GALNTL6: variants seen among roughly 807,000 people sequenced by gnomAD.
GALNTL6 encodes polypeptide N-acetylgalactosaminyltransferase like 6.
A neutral mutation model predicts 73.7 loss-of-function variants in GALNTL6; 46 were observed. That is an observed-to-expected ratio of 0.62 (90% CI 0.49 to 0.80). The LOEUF (loss-of-function observed/expected upper bound fraction) is 0.80, where lower values mean the gene tolerates loss of function less well. Among genes scored for constraint, GALNTL6 ranks in the 30% least tolerant of loss-of-function variants. GALNTL6 has a pLI of 0.00. For missense variants in GALNTL6, 604 were observed against 755.0 expected (o/e 0.80, Z 2.34); for synonymous variants, 259 against 263.7 (o/e 0.98, Z 0.17).
rs397933315 is a variant in GALNTL6, at chr4:172,552,837, T to TAAAAAAAAAAAA, written c.553+204157_553+204168dup. 2.9e-3 allele frequency among the ~76,000 whole-genome samples: 233 copies of TAAAAAAAAAAAA among 80,354 alleles called. 9 individuals are homozygous for TAAAAAAAAAAAA. The highest frequency in any genetic ancestry group is 3.0e-3 in the South Asian group (5 of 1,642). 52.7% of individuals were successfully genotyped at this position (80,354 alleles called of 152,430 possible). A position where few individuals can be genotyped will look rare whatever the true frequency, so the allele number is the denominator to read the frequency against. On this transcript the variant is annotated intron_variant, in intron 5 of 12. Transcript: ENST00000506823. ...TAGGCTGGTGCAAAAGTAATTGCAG[T>TAAAAAAAAAAAA]AAAAAAAAAAAAAAAAAAAAGGTAA...
At chr4:172,543,920 A>C (rs2110881201) in intron 5 of GALNTL6, among the ~76,000 whole-genome samples, 1 of 152,310 alleles carries the variant, frequency 6.6e-6, no homozygotes, top group South Asian at 2.1e-4. Flanking sequence ...TTTGTATAAA[A>C]ATTTATTGGC....
intron 10 of GALNTL6, among the ~76,000 whole-genome samples, chr4:172,973,926 G>A (rs1488502576): frequency 6.6e-6 from 1 of 152,166 alleles, no homozygotes; most frequent in East Asian, 1.9e-4. Flanking sequence ...AGATGAGGAA[G>A]TACGTAAAAT....
At chr4:172,699,600 A>G (rs1197849897) in intron 5 of GALNTL6, among the ~76,000 whole-genome samples, 1 of 152,226 alleles carries the variant, frequency 6.6e-6, no homozygotes, top group Non-Finnish European at 1.5e-5. Flanking sequence ...TAAGAAACTT[A>G]TGTGAAGAAC....
intron 7 of GALNTL6, among the ~76,000 whole-genome samples, chr4:172,877,970 AAAAC>A (rs1745277114): frequency 6.6e-6 from 1 of 152,048 alleles, no homozygotes; most frequent in Non-Finnish European, 1.5e-5. Flanking sequence ...ATTTTGCAAG[AAAAC>A]AAACAATGTG....
At chr4:172,955,691 C>T (rs1225312046) in intron 10 of GALNTL6, among the ~76,000 whole-genome samples, 1 of 152,140 alleles carries the variant, frequency 6.6e-6, no homozygotes, top group African/African-American at 2.4e-5. Flanking sequence ...CACCACCAAA[C>T]AGGCTTTGTG....
chr4:172,373,579 G>A (rs1434574522), intron 5 of GALNTL6, among the ~76,000 whole-genome samples: 1 of 152,172 alleles, frequency 6.6e-6, no homozygotes, highest in Non-Finnish European at 1.5e-5. Context: ...GGGTCTTTTA[G>A]CCTGATTTGG....
intron 5 of GALNTL6, among the ~76,000 whole-genome samples, chr4:172,501,392 T>A (rs1734255690): frequency 6.6e-6 from 1 of 152,152 alleles, no homozygotes. Flanking sequence ...TGCCAAGATT[T>A]TTTGCTAGAC....
chr4:172,645,367 G>A (rs535948152), intron 5 of GALNTL6, among the ~76,000 whole-genome samples: 62 of 151,912 alleles, frequency 4.1e-4, no homozygotes, highest in Non-Finnish European at 7.5e-4. Context: ...AATAATTTTT[G>A]TATATGGTAT....
intron 5 of GALNTL6, among the ~76,000 whole-genome samples, chr4:172,577,754 A>T (rs749491370): frequency 1.3e-5 from 2 of 152,210 alleles, no homozygotes; most frequent in Non-Finnish European, 1.5e-5. Context: ...TGAGAAGCAC[A>T]GGCACTCAGC....
intron 2 of GALNTL6, among the ~76,000 whole-genome samples, chr4:172,176,290 A>T (rs1239316658): frequency 7.7e-6 from 1 of 129,598 alleles, no homozygotes; most frequent in Non-Finnish European, 1.6e-5. Flanking sequence ...CAGTGAGCCG[A>T]GATCGCGCCA....
chr4:172,690,088 A>G (rs1733176525), intron 5 of GALNTL6, among the ~76,000 whole-genome samples: 1 of 152,208 alleles, frequency 6.6e-6, no homozygotes, highest in Non-Finnish European at 1.5e-5. Flanking sequence ...TTTTCTTGTC[A>G]TGAAGGAAAG....
At chr4:172,494,684 A>C (rs905236737) in intron 5 of GALNTL6, among the ~76,000 whole-genome samples, 3 of 152,184 alleles carry the variant, frequency 2.0e-5, no homozygotes, top group Non-Finnish European at 4.4e-5. Context: ...CCACTGGCAT[A>C]AGTCCAAGAG....
chr4:171,965,496 A>G (rs559978935), intron 2 of GALNTL6, among the ~76,000 whole-genome samples: 1 of 152,104 alleles, frequency 6.6e-6, no homozygotes, highest in African/African-American at 2.4e-5. Flanking sequence ...CTCTACTAAA[A>G]ATACAAAAAA....
chr4:172,091,306 T>C lies in GALNTL6; in HGVS notation c.139-138350T>C, dbSNP rs183573388. ...GAACTTGTTCATCAGGAATTTCAGA[T>C]TAGACTTTTAAAAGTCTCTCAAAGC... On this transcript the variant is annotated intron_variant, in intron 2 of 12. Coordinates refer to ENST00000506823, the MANE Select transcript of GALNTL6 (RefSeq NM_001034845.3). Among the ~76,000 whole-genome samples, 49 of 152,324 alleles carry C rather than the reference T, an allele frequency of 3.2e-4. No homozygotes were observed. In the East Asian group the frequency reaches 8.3e-3, roughly 26 times the overall value.
chr4:172,833,289 A>T (rs1001431022), intron 7 of GALNTL6, among the ~76,000 whole-genome samples: 1 of 147,014 alleles, frequency 6.8e-6, no homozygotes, highest in African/African-American at 2.5e-5. Flanking sequence ...CCTTATGTTG[A>T]TAGTTTGTAG....
chr4:172,422,803 T>C (rs1022957910), intron 5 of GALNTL6, among the ~76,000 whole-genome samples: 1 of 151,696 alleles, frequency 6.6e-6, no homozygotes, highest in Non-Finnish European at 1.5e-5. Context: ...GCTTGATTCA[T>C]GGAAACTCCA....
intron 2 of GALNTL6, among the ~76,000 whole-genome samples, chr4:172,172,544 C>T (rs1734864275): frequency 6.6e-6 from 1 of 151,964 alleles, no homozygotes; most frequent in Non-Finnish European, 1.5e-5. Flanking sequence ...CACACACAAA[C>T]ACACAAAGAT....
intron 5 of GALNTL6, among the ~76,000 whole-genome samples, chr4:172,703,632 G>A (rs1734158990): frequency 2.0e-5 from 3 of 151,988 alleles, no homozygotes; most frequent in South Asian, 2.1e-4. Flanking sequence ...ATCTTTATCA[G>A]GGATATTGGA....
intron 2 of GALNTL6, among the ~76,000 whole-genome samples, chr4:172,132,572 T>C (rs528696641): frequency 6.6e-6 from 1 of 152,162 alleles, no homozygotes; most frequent in Non-Finnish European, 1.5e-5. Flanking sequence ...TGCCTGCATG[T>C]GTGTTTTTCT....
Sources: gnomAD v4.1 joint callset for allele counts (sites outside exome capture counted in the v4.1 genomes callset) on GRCh38, gnomAD v4.1.1 for gene constraint, MANE v1.5 for transcripts, NCBI Gene and HGNC (gene_info 2026-07-23, HGNC 2026-07-21) for gene names.